QSER1: variants seen among roughly 807,000 people sequenced by gnomAD.
QSER1 encodes glutamine and serine-rich protein 1.
A neutral mutation model predicts 158.5 loss-of-function variants in QSER1; 49 were observed. The ratio of observed to expected loss-of-function variants is 0.31; its 90% confidence interval spans 0.25 to 0.39. The LOEUF (loss-of-function observed/expected upper bound fraction) is 0.39. Ranked by LOEUF, QSER1 falls within the 10% of genes least tolerant of loss-of-function variation. QSER1 has a pLI of 1.00. For missense variants in QSER1, 1,754 were observed against 2,010.3 expected, an observed-to-expected ratio of 0.87 and a Z score of 2.44; for synonymous variants, 650 against 715.5, an observed-to-expected ratio of 0.91 and a Z score of 1.46.
chr11:32,937,160 C>T (rs1311235305), intron 4 of QSER1, among the ~76,000 whole-genome samples: 8 of 152,170 alleles, frequency 5.3e-5, no homozygotes, highest in Admixed American at 6.5e-5. Context: ...ATCATAAACC[C>T]GATCCTTACT....
intron 1 of QSER1, among the ~76,000 whole-genome samples, chr11:32,909,949 T>A (rs1851745633): frequency 6.6e-6 from 1 of 152,128 alleles, no homozygotes; most frequent in Non-Finnish European, 1.5e-5. Flanking sequence ...ATTTAGACAC[T>A]CCCATGCTTA....
In QSER1 at chr11:32,978,953, C is replaced by T. The variant is rs1264629197; in HGVS notation, c.*2479C>T. On this transcript the variant is annotated 3_prime_UTR_variant, in exon 13 of 13. Transcript: ENST00000650167. Reference sequence around the variant, plus strand: ...TAGGCAATTCCGTTGTGCGAACATCCTAGTGTACTTACACAAACCTAGGTG... The same window carrying T: ...TAGGCAATTCCGTTGTGCGAACATCTTAGTGTACTTACACAAACCTAGGTG... The T allele has an allele frequency of 6.6e-6, 1 of 152,186 alleles. No homozygotes were observed. The highest frequency in any genetic ancestry group is 1.5e-5 in the Non-Finnish European group (1 of 68,038). The allele number at this position is 152,186 out of a possible 1,614,324, so 9.4% of individuals were successfully genotyped here. A position where few individuals can be genotyped will look rare whatever the true frequency, so the allele number is the denominator to read the frequency against.
chr11:32,956,851 G>A (rs1590179821), intron 7 of QSER1, among the ~76,000 whole-genome samples: 1 of 152,182 alleles, frequency 6.6e-6, no homozygotes. Context: ...TCACGGCACT[G>A]CAGCCTCGAC....
At chr11:32,921,494 G>A (rs901294863) in intron 1 of QSER1, among the ~76,000 whole-genome samples, 6 of 152,174 alleles carry the variant, frequency 3.9e-5, no homozygotes, top group Non-Finnish European at 7.4e-5. Flanking sequence ...GACCTTTATG[G>A]TATGAAAGTT....
chr11:32,949,788 T>C (rs1433582539), intron 4 of QSER1, among the ~76,000 whole-genome samples: 1 of 152,190 alleles, frequency 6.6e-6, no homozygotes, highest in Non-Finnish European at 1.5e-5. Flanking sequence ...GAGTGGGAAA[T>C]GTATAAATAT....
intron 4 of QSER1, among the ~76,000 whole-genome samples, chr11:32,936,403 A>G (rs955332033): frequency 6.6e-6 from 1 of 152,288 alleles, no homozygotes; most frequent in African/African-American, 2.4e-5. Flanking sequence ...TCCATGGTGT[A>G]TATGTGCCAC....
chr11:32,960,979 G>A (rs547426247), intron 8 of QSER1, among the ~76,000 whole-genome samples: 1 of 152,194 alleles, frequency 6.6e-6, no homozygotes, highest in South Asian at 2.1e-4. Flanking sequence ...GTTTATGTGT[G>A]CTAAATCTAT....
At chr11:32,957,801 A>T in intron 7 of QSER1, 68 bp from the exon 8 acceptor site, 1 of 1,265,984 alleles carries the variant, frequency 7.9e-7, no homozygotes, top group African/African-American at 1.5e-5. Flanking sequence ...ATTCTCTTTT[A>T]TTTTTCTATT....
intron 1 of QSER1, among the ~76,000 whole-genome samples, chr11:32,914,584 G>A (rs1026130196): frequency 2.6e-5 from 4 of 152,198 alleles, no homozygotes; most frequent in East Asian, 3.9e-4. Flanking sequence ...AACATATTTC[G>A]TGAAACATTT....
rs1237118106 is a variant in QSER1 at position 32,979,480 on chromosome 11, T to TGTATAATGAC, written c.*3007_*3016dup. 6.6e-6 allele frequency: 1 copy of TGTATAATGAC among 152,250 alleles called. No homozygotes were observed. Among genetic ancestry groups the TGTATAATGAC allele is most frequent in the African/African-American group, 2.4e-5 (1 of 41,462 alleles). 9.4% of individuals were successfully genotyped at this position (152,250 alleles called of 1,614,324 possible). ...CTTATTTGAACTCTTAAGTCATAAATGTATAATGACTTATGAATTAGCACA... is the reference window on the plus strand; with the variant it reads ...CTTATTTGAACTCTTAAGTCATAAATGTATAATGACGTATAATGACTTATGAATTAGCACA... On this transcript the variant is annotated 3_prime_UTR_variant, in exon 13 of 13. Transcript: ENST00000650167.
intron 1 of QSER1, among the ~76,000 whole-genome samples, chr11:32,900,529 A>T (rs1478596039): frequency 2.6e-5 from 4 of 152,080 alleles, no homozygotes; most frequent in Non-Finnish European, 5.9e-5. Flanking sequence ...ACTGCACTCC[A>T]GCCTAGGTGA....
intron 1 of QSER1, among the ~76,000 whole-genome samples, chr11:32,922,320 C>T (rs1395834675): frequency 6.6e-6 from 1 of 152,094 alleles, no homozygotes. Flanking sequence ...CAAAACATAA[C>T]TGGCCAAGAA....
chr11:32,965,286 A>T (rs2092657), intron 8 of QSER1, among the ~76,000 whole-genome samples: 124,491 of 150,418 alleles, frequency 0.83, 51,810 homozygotes, highest in East Asian at 0.99. Flanking sequence ...GCTAATTTAT[A>T]TTTTTTTTAA....
At chr11:32,951,726 G>A (rs769401718) in intron 4 of QSER1, among the ~76,000 whole-genome samples, 31 of 151,472 alleles carry the variant, frequency 2.0e-4, no homozygotes, top group Non-Finnish European at 4.0e-4. Context: ...TTTTTGGGTT[G>A]TTCACTGCAA....
rs781671940 is a variant in QSER1, at chr11:32,932,225, C to T, written c.967C>T (p.Arg323Trp). ...RECSVIKHHQ[R>W]PSGTQSIQAQ... ...ATGTAGTGTTATTAAACACCATCAG[C>T]GGCCTTCAGGTACCCAGTCAATTCA... Residue 323 changes from arginine (R) to tryptophan (W), a missense_variant, in exon 4 of 13, where the codon CGG (arginine) becomes TGG (tryptophan). Physicochemically the swap from Arg to Trp is moderately radical, Grantham distance 101. Around this residue, in one of 2 missense-constraint regions of QSER1, gnomAD observed 1,707 missense variants for 1,919.6 expected, o/e 0.89. Transcript: ENST00000650167. 1.9e-6 allele frequency: 3 copies of T among 1,614,160 alleles called. No individual in the cohort carries two copies. Among genetic ancestry groups the T allele is most frequent in the East Asian group, 2.2e-5 (1 of 44,880 alleles).
rs578129076 is a variant in QSER1 at position 32,904,044 on chromosome 11, G to A, written c.209+10710G>A. On this transcript the variant is annotated intron_variant, in intron 1 of 12. Coordinates refer to ENST00000650167, the MANE Select transcript of QSER1 (RefSeq NM_001076786.3). Reference sequence around the variant, plus strand: ...ATGTTTATCCCTATTGCTGCTTCTGGTGTTTTAATTTCGGCTACATGCTGG... The same window carrying A: ...ATGTTTATCCCTATTGCTGCTTCTGATGTTTTAATTTCGGCTACATGCTGG... 5.8e-4 allele frequency among the ~76,000 whole-genome samples: 89 copies of A among 152,288 alleles called. 1 individual carries two copies. The highest frequency in any genetic ancestry group is 2.0e-3 in the African/African-American group (85 of 41,544).
intron 1 of QSER1, among the ~76,000 whole-genome samples, chr11:32,921,713 G>T (rs1851901842): frequency 6.6e-6 from 1 of 152,162 alleles, no homozygotes; most frequent in African/African-American, 2.4e-5. Context: ...CCAAATTGAT[G>T]TTTAGATTCA....
intron 4 of QSER1, among the ~76,000 whole-genome samples, chr11:32,943,861 G>T (rs1182617666): frequency 6.6e-6 from 1 of 151,882 alleles, no homozygotes; most frequent in Admixed American, 6.6e-5. Context: ...AATCCATCTG[G>T]TCCTGGACTC....
rs144127034 is a variant in QSER1 at position 32,914,080 on chromosome 11, A to G, written c.210-13077A>G. On this transcript the variant is annotated intron_variant, in intron 1 of 12. Coordinates refer to ENST00000650167, the MANE Select transcript of QSER1 (RefSeq NM_001076786.3). ...ATTTTAAAATATTTGGCATTTAGGT[A>G]TGAATGGGATAGGTATATGCTAGAG... 3.3e-5 allele frequency among the ~76,000 whole-genome samples: 5 copies of G among 152,374 alleles called. No individual in the cohort carries two copies. The East Asian group carries it at 9.6e-4, about 29-fold the overall frequency.
Sources: gnomAD v4.1 joint callset for allele counts (sites outside exome capture counted in the v4.1 genomes callset) on GRCh38, gnomAD v4.1.1 for gene constraint, gnomAD v4.1.1 regional missense constraint, MANE v1.5 for transcripts, NCBI Gene and HGNC (gene_info 2026-07-23, HGNC 2026-07-21) for gene names.